CWC27: variants seen among roughly 807,000 people sequenced by gnomAD.
CWC27 encodes the protein CWC27 spliceosome associated cyclophilin, also known as spliceosome-associated protein CWC27 homolog.
CWC27 carries 47 observed loss-of-function variants against 63.6 expected under a neutral mutation model. The ratio of observed to expected loss-of-function variants is 0.74; its 90% confidence interval spans 0.58 to 0.94. The LOEUF (loss-of-function observed/expected upper bound fraction) is 0.94. CWC27 is among the 40% of genes least tolerant of loss of function. The probability of loss-of-function intolerance (pLI) is 0.00; values close to 1 mark genes in which losing one functional copy is unlikely to be tolerated. For synonymous variants in CWC27, 175 were observed against 179.8 expected (o/e 0.97, Z 0.22); for missense variants, 495 against 554.3 (o/e 0.89, Z 1.07).
At chr5:64,960,299 C>T (rs139773531) in intron 11 of CWC27, among the ~76,000 whole-genome samples, 5 of 151,848 alleles carry the variant, frequency 3.3e-5, no homozygotes, top group African/African-American at 1.2e-4. Context: ...GGTTTATATC[C>T]CCAGGCTTAT....
At chr5:64,823,258 A>T (rs185394908) in intron 10 of CWC27, among the ~76,000 whole-genome samples, 24 of 152,332 alleles carry the variant, frequency 1.6e-4, no homozygotes, top group African/African-American at 5.5e-4. Context: ...CACACAGTCC[A>T]GTTCTGTCAT....
At chr5:64,943,020 A>G (rs981895434) in intron 11 of CWC27, among the ~76,000 whole-genome samples, 9 of 152,218 alleles carry the variant, frequency 5.9e-5, no homozygotes, top group African/African-American at 1.9e-4. Flanking sequence ...ACATAGAAAT[A>G]TAACTCTCCT....
intron 10 of CWC27, among the ~76,000 whole-genome samples, chr5:64,829,784 C>A (rs1045776581): frequency 6.6e-6 from 1 of 151,356 alleles, no homozygotes; most frequent in Non-Finnish European, 1.5e-5. Context: ...CTAATGCTAT[C>A]CCTCCCCTAG....
At chr5:65,002,215 C>A (rs1391817193) in intron 13 of CWC27, among the ~76,000 whole-genome samples, 1 of 151,826 alleles carries the variant, frequency 6.6e-6, no homozygotes, top group Non-Finnish European at 1.5e-5. Context: ...CTTTGTTAGT[C>A]TTGCTAACAA....
At chr5:64,994,521 C>T (rs955014216) in intron 13 of CWC27, among the ~76,000 whole-genome samples, 51 of 152,240 alleles carry the variant, frequency 3.3e-4, no homozygotes, top group African/African-American at 1.2e-3. Flanking sequence ...ACATATAAGA[C>T]AGCACACAGT....
intron 10 of CWC27, among the ~76,000 whole-genome samples, chr5:64,832,838 A>T (rs73101352): frequency 6.6e-6 from 1 of 151,684 alleles, no homozygotes; most frequent in African/African-American, 2.4e-5. Flanking sequence ...ATATTATTAA[A>T]ATACTATTTA....
chr5:64,911,704 A>G (rs1318145373), intron 11 of CWC27, among the ~76,000 whole-genome samples: 7 of 152,162 alleles, frequency 4.6e-5, no homozygotes, highest in Admixed American at 2.0e-4. Flanking sequence ...GGGTCTGCTA[A>G]GGGGATGTTT....
At chr5:64,959,694 C>A (rs571173188) in intron 11 of CWC27, among the ~76,000 whole-genome samples, 33 of 152,286 alleles carry the variant, frequency 2.2e-4, no homozygotes, top group African/African-American at 6.7e-4. Flanking sequence ...TATTTGTATG[C>A]TAAGGGCCCT....
intron 11 of CWC27, among the ~76,000 whole-genome samples, chr5:64,908,426 G>T (rs996395215): frequency 7.9e-5 from 12 of 152,136 alleles, no homozygotes; most frequent in African/African-American, 2.9e-4. Flanking sequence ...CTGAGTTCAA[G>T]TCCTGGATAG....
intron 10 of CWC27, among the ~76,000 whole-genome samples, chr5:64,820,656 G>C (rs1745172492): frequency 6.6e-6 from 1 of 151,848 alleles, no homozygotes; most frequent in African/African-American, 2.4e-5. Context: ...TTTTGACAAA[G>C]GTACAAAGAT....
chr5:64,789,359 C>G (rs1186637891), intron 7 of CWC27, among the ~76,000 whole-genome samples: 4 of 151,980 alleles, frequency 2.6e-5, no homozygotes, highest in South Asian at 2.1e-4. Context: ...TAAACAGTCA[C>G]AGACCAAAAC....
chr5:64,910,693 C>T (rs1313820446), intron 11 of CWC27, among the ~76,000 whole-genome samples: 1 of 152,194 alleles, frequency 6.6e-6, no homozygotes, highest in African/African-American at 2.4e-5. Context: ...TGCTGCCTCG[C>T]AGGTCAGTCT....
At chr5:64,795,134 A>G (rs1005485267) in intron 7 of CWC27, among the ~76,000 whole-genome samples, 9 of 152,108 alleles carry the variant, frequency 5.9e-5, no homozygotes, top group African/African-American at 1.9e-4. Context: ...ATTCTAGTTT[A>G]TTTTATGAAA....
chr5:64,885,434 G>A lies in CWC27; in HGVS notation c.939-9G>A. On this transcript the variant is annotated splice_polypyrimidine_tract_variant and intron_variant, in intron 10 of 13. Coordinates refer to ENST00000381070, the MANE Select transcript of CWC27 (RefSeq NM_005869.4). ...ATTATATACTTATATAACTCTTTTTGCTTTATAGTGAAGAGCTCAGAAAAG... is the reference window on the plus strand; with the variant it reads ...ATTATATACTTATATAACTCTTTTTACTTTATAGTGAAGAGCTCAGAAAAG... 1 of 1,576,528 alleles carries A rather than the reference G, an allele frequency of 6.3e-7. No individual in the cohort carries two copies. Among genetic ancestry groups the A allele is most frequent in the South Asian group, 1.2e-5 (1 of 85,166 alleles).
chr5:64,982,393 A>G (rs1348244753), intron 13 of CWC27, among the ~76,000 whole-genome samples: 1 of 152,062 alleles, frequency 6.6e-6, no homozygotes, highest in Non-Finnish European at 1.5e-5. Flanking sequence ...GTGCAGTCAA[A>G]GCTCACTCCA....
intron 11 of CWC27, among the ~76,000 whole-genome samples, chr5:64,926,429 A>G (rs1316940838): frequency 6.6e-6 from 1 of 151,554 alleles, no homozygotes; most frequent in Non-Finnish European, 1.5e-5. Flanking sequence ...TATTTTGCCC[A>G]GGCTTGCTTG....
intron 11 of CWC27, among the ~76,000 whole-genome samples, chr5:64,901,368 G>C (rs1004443838): frequency 6.6e-6 from 1 of 151,090 alleles, no homozygotes; most frequent in Non-Finnish European, 1.5e-5. Context: ...AGCTGAGGCA[G>C]AATGGCGTGA....
At chr5:65,013,597 G>A (rs1749998518) in intron 13 of CWC27, among the ~76,000 whole-genome samples, 1 of 152,216 alleles carries the variant, frequency 6.6e-6, no homozygotes, top group Non-Finnish European at 1.5e-5. Flanking sequence ...TTTAAGGGTA[G>A]ACTGAGGTAT....
At chr5:65,013,448 A>G (rs898987632) in intron 13 of CWC27, among the ~76,000 whole-genome samples, 2 of 152,230 alleles carry the variant, frequency 1.3e-5, no homozygotes, top group Non-Finnish European at 2.9e-5. Flanking sequence ...CGGGAATGCA[A>G]CAGTGAACAA....
Sources: allele counts gnomAD v4.1 joint callset (sites outside exome capture counted in the v4.1 genomes callset), GRCh38; gene constraint gnomAD v4.1.1; transcripts MANE v1.5; gene names NCBI Gene and HGNC (gene_info 2026-07-23, HGNC 2026-07-21).